SUPT3H: variants seen among roughly 807,000 people sequenced by gnomAD.
SUPT3H encodes the protein transcription initiation protein SPT3 homolog.
In SUPT3H, 44 loss-of-function variants were observed where a neutral mutation model predicts 44.3. The observed-to-expected ratio is 0.99, with a 90% CI of 0.78 to 1.28. The LOEUF is 1.28. SUPT3H is among the 50% of genes most tolerant of loss of function. SUPT3H has a pLI of 0.00. For missense variants in SUPT3H, 380 were observed against 387.1 expected (o/e 0.98, Z 0.15); for synonymous variants, 124 against 125.6 (o/e 0.99, Z 0.09).
intron 10 of SUPT3H, among the ~76,000 whole-genome samples, chr6:44,917,424 CAT>C (rs748662611): frequency 6.4e-4 from 97 of 152,262 alleles, no homozygotes; most frequent in Non-Finnish European, 4.9e-4. Flanking sequence ...CATGTGTGTA[CAT>C]ATATGTTTTT....
intron 2 of SUPT3H, among the ~76,000 whole-genome samples, chr6:45,144,579 C>G (rs914114605): frequency 2.0e-5 from 3 of 151,944 alleles, no homozygotes; most frequent in Non-Finnish European, 4.4e-5. Context: ...AAAGAATTAT[C>G]CCGAGAAATG....
chr6:44,887,562 G>C (rs1348853932), intron 10 of SUPT3H, among the ~76,000 whole-genome samples: 1 of 152,108 alleles, frequency 6.6e-6, no homozygotes, highest in Non-Finnish European at 1.5e-5. Context: ...GATGTCCTTT[G>C]AAACCAACAA....
chr6:45,197,533 T>A, intron 2 of SUPT3H: 1 of 244,484 alleles, frequency 4.1e-6, no homozygotes, highest in Non-Finnish European at 8.3e-6. Flanking sequence ...CTATAATACA[T>A]GCTTTTTAAA....
At chr6:44,826,094 A>T (rs1767727114), downstream of SUPT3H, among the ~76,000 whole-genome samples, 1 of 152,154 alleles carries the variant, frequency 6.6e-6, no homozygotes, top group Non-Finnish European at 1.5e-5. Flanking sequence ...TATCCGACTT[A>T]CAACATTTGA....
intron 2 of SUPT3H, among the ~76,000 whole-genome samples, chr6:45,336,055 C>T (rs1467403251): frequency 1.3e-5 from 2 of 151,278 alleles, no homozygotes; most frequent in South Asian, 2.1e-4. Context: ...ATCCAACCTC[C>T]TTTCCACAGA....
At chr6:44,990,343 T>C (rs1010744211) in intron 6 of SUPT3H, among the ~76,000 whole-genome samples, 6 of 152,102 alleles carry the variant, frequency 3.9e-5, no homozygotes, top group African/African-American at 1.4e-4. Flanking sequence ...TCTGTGTCTG[T>C]TTTTATGGCA....
At chr6:45,163,605 T>C (rs1380030539) in intron 2 of SUPT3H, among the ~76,000 whole-genome samples, 1 of 152,204 alleles carries the variant, frequency 6.6e-6, no homozygotes, top group East Asian at 1.9e-4. Context: ...AAAATGACTG[T>C]CAGTAGGTGG....
intron 1 of SUPT3H, among the ~76,000 whole-genome samples, chr6:45,377,122 A>C (rs907739780): frequency 3.9e-5 from 6 of 152,108 alleles, no homozygotes; most frequent in African/African-American, 1.4e-4. Flanking sequence ...TGAACTCCTA[A>C]AACGTGGAGA....
chr6:45,174,738 T>C (rs1811405226), intron 2 of SUPT3H, among the ~76,000 whole-genome samples: 1 of 146,678 alleles, frequency 6.8e-6, no homozygotes, highest in African/African-American at 2.5e-5. Flanking sequence ...TGAAACTAAA[T>C]TATATTCTCC....
intron 10 of SUPT3H, among the ~76,000 whole-genome samples, chr6:44,879,400 C>G (rs9463048): frequency 0.039 from 5,892 of 152,320 alleles, 150 homozygotes; most frequent in Middle Eastern, 0.061. Context: ...GGCAGGGCAT[C>G]TCTGAAAGAA....
chr6:45,139,660 T>C (rs1297369266), intron 2 of SUPT3H, among the ~76,000 whole-genome samples: 1 of 152,118 alleles, frequency 6.6e-6, no homozygotes, highest in Non-Finnish European at 1.5e-5. Flanking sequence ...GGATTTACCT[T>C]ACGTAAAGCT....
At chr6:45,014,301 A>T (rs1425966420) in intron 5 of SUPT3H, among the ~76,000 whole-genome samples, 1 of 152,082 alleles carries the variant, frequency 6.6e-6, no homozygotes, top group African/African-American at 2.4e-5. Context: ...TACCATCCCA[A>T]ACTTCATGGT....
intron 1 of SUPT3H, chr6:45,371,748 GAA>G (rs1322240314): frequency 4.0e-6 from 3 of 751,708 alleles, no homozygotes; most frequent in East Asian, 2.6e-4. Flanking sequence ...TTGTTTAAAA[GAA>G]AATCTTAGGT....
chr6:44,975,125 C>A (rs958546023), intron 6 of SUPT3H, among the ~76,000 whole-genome samples: 1 of 151,842 alleles, frequency 6.6e-6, no homozygotes, highest in African/African-American at 2.4e-5. Flanking sequence ...GAGCAGAGAT[C>A]GGGCCACTGC....
At chr6:45,322,805 T>C (rs1785719442) in intron 2 of SUPT3H, 1 of 1,112,148 alleles carries the variant, frequency 9.0e-7, no homozygotes. Context: ...CCCATATATT[T>C]TGGCAAGATG....
chr6:44,881,153 G>A (rs1213215211), intron 10 of SUPT3H, among the ~76,000 whole-genome samples: 1 of 152,114 alleles, frequency 6.6e-6, no homozygotes, highest in Admixed American at 6.5e-5. Flanking sequence ...CCCATCTCAT[G>A]TGCAAAGACA....
intron 10 of SUPT3H, among the ~76,000 whole-genome samples, chr6:44,846,539 T>C (rs975605892): frequency 2.0e-5 from 3 of 152,038 alleles, no homozygotes; most frequent in Non-Finnish European, 2.9e-5. Context: ...AAGACCAGGA[T>C]AGATGTCTAT....
chr6:44,998,683 A>G (rs1781595768), intron 6 of SUPT3H, among the ~76,000 whole-genome samples: 1 of 151,956 alleles, frequency 6.6e-6, no homozygotes, highest in African/African-American at 2.4e-5. Context: ...GAGGTGACAC[A>G]GATTCATTCT....
rs1316293234 is a variant in SUPT3H at position 45,302,548 on chromosome 6, TATATATATGC to T, written c.101+62643_101+62652del. On this transcript the variant is annotated intron_variant, in intron 2 of 10. Transcript: ENST00000371459. ...ATATATATATATATATATATATATATATATATATGCATGCCACAATTTATTTATCTACTTA... is the reference window on the plus strand; with the variant it reads ...ATATATATATATATATATATATATATATGCCACAATTTATTTATCTACTTA... Among the ~76,000 whole-genome samples, 752 of 93,852 alleles carry T rather than the reference TATATATATGC, an allele frequency of 8.0e-3. 11 individuals carry two copies. Among genetic ancestry groups the T allele is most frequent in the East Asian group, 0.034 (69 of 2,020 alleles). 61.6% of individuals were successfully genotyped at this position (93,852 alleles called of 152,430 possible). A position where few individuals can be genotyped will look rare whatever the true frequency, so the allele number is the denominator to read the frequency against.
Sources: gnomAD v4.1 joint callset for allele counts (sites outside exome capture counted in the v4.1 genomes callset) on GRCh38, gnomAD v4.1.1 for gene constraint, MANE v1.5 for transcripts, NCBI Gene and HGNC (gene_info 2026-07-23, HGNC 2026-07-21) for gene names.